Variants in KCTD17 observed in about 807,000 individuals in gnomAD.
KCTD17 encodes the protein potassium channel tetramerization domain containing 17.
A neutral mutation model predicts 41.5 loss-of-function variants in KCTD17; 20 were observed. That is an observed-to-expected ratio of 0.48 (90% CI 0.34 to 0.70). The LOEUF (loss-of-function observed/expected upper bound fraction) is 0.70, where lower values mean the gene tolerates loss of function less well. Among genes scored for constraint, KCTD17 ranks in the 30% least tolerant of loss-of-function variants. KCTD17 has a pLI of 0.01. For synonymous variants in KCTD17, 156 were observed against 173.8 expected (o/e 0.90, Z 0.80); for missense variants, 317 against 427.2 (o/e 0.74, Z 2.27).
intron 5 of KCTD17, among the ~76,000 whole-genome samples, chr22:37,060,058 A>G (rs950463359): frequency 3.9e-5 from 6 of 152,062 alleles, no homozygotes; most frequent in African/African-American, 1.4e-4. Context: ...TCCTGAGAGC[A>G]CCCTGGCAGC....
chr22:37,051,978 G>A (rs774675445), intron 1 of KCTD17, 29 bp downstream of exon 1: 6 of 1,408,658 alleles, frequency 4.3e-6, no homozygotes, highest in Admixed American at 5.1e-5. Flanking sequence ...GCGGCGAGCG[G>A]GCGGTGGGTC....
Position 37,062,483 on chromosome 22 carries a change from C to G in KCTD17, c.876-42C>G, listed in dbSNP as rs747042008. ...ACCCCCTCCTTACCGGCCCCACCTC[C>G]GCCCCTCCCATCCTCCTGCCCTTCC... On this transcript the variant is annotated intron_variant, in intron 8 of 8. Coordinates refer to ENST00000403888, the MANE Select transcript of KCTD17 (RefSeq NM_001282684.2). 6 of 1,591,324 alleles carry G rather than the reference C, an allele frequency of 3.8e-6. No homozygotes were observed. The South Asian group carries it at 4.5e-5, about 12-fold the overall frequency.
At position 37,061,607 on chromosome 22, in the gene KCTD17, C is replaced by A. The variant is rs199921196; in HGVS notation, c.853C>A (p.Arg285Ser). 6.3e-7 allele frequency: 1 copy of A among 1,599,556 alleles called. No homozygotes were observed. ...AVRASPRPLARPQSCHPCCYK... is the reference protein window; with the variant it reads ...AVRASPRPLASPQSCHPCCYK... ...GAGGGCTTCTCCTCGGCCCCTCGCC[C>A]GCCCCCAGAGCTGCCATCCCTGGTT... The change falls in exon 8 of 9, where the codon CGC (arginine) becomes AGC (serine). Residue 285 changes from arginine to serine, a missense_variant. Coordinates refer to ENST00000403888, the MANE Select transcript of KCTD17 (RefSeq NM_001282684.2). This position sits in a 1 kb window ranked among gnomAD's most constrained non-coding sequence, Gnocchi z 6.6.
At chr22:37,056,920 C>T (rs901307289) in intron 3 of KCTD17, among the ~76,000 whole-genome samples, 1 of 151,922 alleles carries the variant, frequency 6.6e-6, no homozygotes, top group Non-Finnish European at 1.5e-5. Flanking sequence ...AGAGATTTTC[C>T]GCCTACTCTG....
In KCTD17 at chr22:37,051,751, G is replaced by A. The variant is rs1924496959; in HGVS notation, c.-10G>A. The A allele has an allele frequency of 2.5e-6, 3 of 1,218,868 alleles. No individual in the cohort carries two copies. Among genetic ancestry groups the A allele is most frequent in the Non-Finnish European group, 3.1e-6 (3 of 980,208 alleles). The allele number at this position is 1,218,868 out of a possible 1,614,324, so 75.5% of individuals were successfully genotyped here. A position where few individuals can be genotyped will look rare whatever the true frequency, so the allele number is the denominator to read the frequency against. On this transcript the variant is annotated 5_prime_UTR_variant, in exon 1 of 9. Transcript: ENST00000403888. ...CGCCCGGGAGGAGGATGCAGACGCCGCGGCCGGCGATGAGGATGGAGGCCG... is the reference window on the plus strand; with the variant it reads ...CGCCCGGGAGGAGGATGCAGACGCCACGGCCGGCGATGAGGATGGAGGCCG...
rs1246731342 is a variant in KCTD17, at chr22:37,053,251, C to T, written c.298+43C>T. ...GCTGGCCTGGACCTTATGCAGCCTGCCAGGGCCCTCTGTGGAGGCCCCAAG... is the reference window on the plus strand; with the variant it reads ...GCTGGCCTGGACCTTATGCAGCCTGTCAGGGCCCTCTGTGGAGGCCCCAAG... On this transcript the variant is annotated intron_variant, in intron 2 of 8. Coordinates refer to ENST00000403888, the MANE Select transcript of KCTD17 (RefSeq NM_001282684.2). The surrounding 1 kb of genome is among the most constrained non-coding windows in gnomAD (Gnocchi z 4.1). 5 of 1,458,768 alleles carry T rather than the reference C, an allele frequency of 3.4e-6. No homozygotes were observed. The South Asian group carries it at 3.6e-5, about 11-fold the overall frequency. 90.4% of individuals were successfully genotyped at this position (1,458,768 alleles called of 1,614,324 possible). A position where few individuals can be genotyped will look rare whatever the true frequency, so the allele number is the denominator to read the frequency against.
In KCTD17 at chr22:37,061,907, TCACTGCCTTGTG is replaced by T. The variant is rs1925845006; in HGVS notation, c.875+279_875+290del. On this transcript the variant is annotated intron_variant, in intron 8 of 8. Coordinates refer to ENST00000403888, the MANE Select transcript of KCTD17 (RefSeq NM_001282684.2). This position sits in a 1 kb window ranked among gnomAD's most constrained non-coding sequence, Gnocchi z 6.6. ...CCCTGCACATCCAGGAGCTCCTGTG[TCACTGCCTTGTG>T]GCATCCCCTATTTCTGTGGGGATGG... is the stretch of plus-strand genomic sequence containing the variant. The T allele has an allele frequency of 8.1e-6, 8 of 985,302 alleles. No homozygotes were observed. Among genetic ancestry groups the T allele is most frequent in the African/African-American group, 1.7e-5 (1 of 57,240 alleles). The allele number at this position is 985,302 out of a possible 1,614,324, so 61.0% of individuals were successfully genotyped here.
intron 1 of KCTD17, chr22:37,052,677 T>C (rs1281964564): frequency 2.1e-6 from 1 of 469,710 alleles, no homozygotes; most frequent in Admixed American, 2.3e-5. Flanking sequence ...CCCGCCCGAG[T>C]GTCCAGTGAG....
chr22:37,055,612 C>T (rs1166160042), intron 2 of KCTD17, among the ~76,000 whole-genome samples: 3 of 152,174 alleles, frequency 2.0e-5, no homozygotes, highest in Non-Finnish European at 2.9e-5. Flanking sequence ...TTCTTCATCT[C>T]CCAGATTAAC....
At chr22:37,057,345 TG>T in intron 3 of KCTD17, 52 bp from the exon 4 acceptor site, 4 of 1,434,454 alleles carry the variant, frequency 2.8e-6, no homozygotes, top group Non-Finnish European at 3.9e-6. Flanking sequence ...ATGCCCCTCC[TG>T]GGGTGCCTGG....
At chr22:37,060,728 G>T in intron 5 of KCTD17, 95 bp from the exon 6 acceptor site, 1 of 1,418,692 alleles carries the variant, frequency 7.0e-7, no homozygotes, top group Non-Finnish European at 9.2e-7. Context: ...CTTTCACCTT[G>T]CCTGAGACCG....
intron 4 of KCTD17, 149 bp downstream of exon 4, chr22:37,057,642 C>T: frequency 1.5e-6 from 1 of 663,196 alleles, no homozygotes; most frequent in South Asian, 1.8e-5. Context: ...TCAAATTAAA[C>T]AAGGTTAGGA....
At chr22:37,056,936 TGTGTGAGGGTTGGGGGACAG>T (rs1925195004) in intron 3 of KCTD17, among the ~76,000 whole-genome samples, 1 of 151,630 alleles carries the variant, frequency 6.6e-6, no homozygotes, top group African/African-American at 2.4e-5. Context: ...CTCTGGGGGA[TGTGTGAGGGTTGGGGGACAG>T]GTAGTGAGGA....
Position 37,062,588 on chromosome 22 carries a change from C to T in KCTD17, c.939C>T (p.Pro313=), listed in dbSNP as rs1351276267. 3.1e-6 allele frequency: 5 copies of T among 1,613,010 alleles called. No individual in the cohort carries two copies. The highest frequency in any genetic ancestry group is 1.7e-4 in the Middle Eastern group (1 of 5,912). Residue 313 remains proline (P), a synonymous_variant, in exon 9 of 9, where the codon CCC becomes CCT. Coordinates refer to ENST00000403888, the MANE Select transcript of KCTD17 (RefSeq NM_001282684.2). ...APDHLQGLGV[P]I ...ATCACCTCCAGGGACTTGGGGTTCC[C>T]ATCTGAAATCCTTTATTTTTGTACC...
At position 37,061,610 on chromosome 22, in the gene KCTD17, C is replaced by G. The variant is rs371676360; in HGVS notation, c.856C>G (p.Pro286Ala). Residue 286 changes from proline (P) to alanine (A), a missense_variant, in exon 8 of 9, where the codon CCC becomes GCC. Physicochemically the swap from Pro to Ala is conservative, Grantham distance 27 (BLOSUM62 -1). Around this residue, in one of 4 missense-constraint regions of KCTD17, gnomAD observed 177 missense variants for 194.4 expected, o/e 0.91. Transcript: ENST00000403888. The surrounding 1 kb of genome is among the most constrained non-coding windows in gnomAD (Gnocchi z 6.6). Reference sequence around the variant, plus strand: ...GGCTTCTCCTCGGCCCCTCGCCCGCCCCCAGAGCTGCCATCCCTGGTTTGT... The same window carrying G: ...GGCTTCTCCTCGGCCCCTCGCCCGCGCCCAGAGCTGCCATCCCTGGTTTGT... Reference protein sequence around the residue: ...VRASPRPLARPQSCHPCCYKP... With the variant: ...VRASPRPLARAQSCHPCCYKP... 1 of 1,599,296 alleles carries G rather than the reference C, an allele frequency of 6.3e-7. No homozygotes were observed. The highest frequency in any genetic ancestry group is 1.3e-5 in the African/African-American group (1 of 75,004).
At chr22:37,060,999 A>G in intron 6 of KCTD17, 77 bp downstream of exon 6, 1 of 1,545,362 alleles carries the variant, frequency 6.5e-7, no homozygotes, top group Middle Eastern at 1.7e-4. Flanking sequence ...AGCCAGCTGC[A>G]GAACCGGGGG....
Position 37,061,580 on chromosome 22 carries a change from G to T in KCTD17, c.826G>T (p.Val276Leu), listed in dbSNP as rs772026115. The change falls in exon 8 of 9, where the codon GTG becomes TTG. Residue 276 changes from valine (V) to leucine (L), a missense_variant. By Grantham distance (32) the Val-to-Leu change is conservative (BLOSUM62 1). This residue lies in a region of KCTD17 where 177 missense variants were observed against 194.4 expected (regional missense o/e 0.91). Transcript: ENST00000403888. This position sits in a 1 kb window ranked among gnomAD's most constrained non-coding sequence, Gnocchi z 6.6. Reference protein sequence around the residue: ...HPLRPEAELAVRASPRPLARP... With the variant: ...HPLRPEAELALRASPRPLARP... The stretch of plus-strand genomic sequence containing the variant: ...TCTCAGACCTGAGGCTGAGCTTGCA[G>T]TGAGGGCTTCTCCTCGGCCCCTCGC... 5.6e-6 allele frequency: 9 copies of T among 1,601,658 alleles called. No individual in the cohort carries two copies. In the South Asian group the frequency reaches 9.9e-5, roughly 18 times the overall value.
rs1302614021 is a variant in KCTD17 at position 37,051,776 on chromosome 22, G to C, written c.16G>C (p.Gly6Arg). 10 of 1,245,594 alleles carry C rather than the reference G, an allele frequency of 8.0e-6. No homozygotes were observed. Among genetic ancestry groups the C allele is most frequent in the Non-Finnish European group, 1.0e-5 (10 of 996,366 alleles). 77.2% of individuals were successfully genotyped at this position (1,245,594 alleles called of 1,614,324 possible). A position where few individuals can be genotyped will look rare whatever the true frequency, so the allele number is the denominator to read the frequency against. ...GCGGCCGGCGATGAGGATGGAGGCCGGGGAGGCAGCGCCGCCGGCGGGGGC... is the reference window on the plus strand; with the variant it reads ...GCGGCCGGCGATGAGGATGGAGGCCCGGGAGGCAGCGCCGCCGGCGGGGGC... The part of the protein sequence containing the change: MRMEA[G>R]EAAPPAGAGG... The change falls in exon 1 of 9, where the codon GGG becomes CGG. Residue 6 changes from glycine (G) to arginine (R), a missense_variant. Gly to Arg is a moderately radical substitution (Grantham distance 125). Transcript: ENST00000403888.
chr22:37,062,220 A>C (rs939928849), intron 8 of KCTD17: 15 of 984,452 alleles, frequency 1.5e-5, no homozygotes, highest in Non-Finnish European at 1.8e-5. Flanking sequence ...CCCCCTTCAG[A>C]GTCTTGGCAG....
Sources: gnomAD v4.1 joint callset for allele counts (sites outside exome capture counted in the v4.1 genomes callset) on GRCh38, gnomAD v4.1.1 for gene constraint, gnomAD v4.1.1 regional missense constraint, Gnocchi (gnomAD v3.1) non-coding constraint, MANE v1.5 for transcripts, NCBI Gene and HGNC (gene_info 2026-07-23, HGNC 2026-07-21) for gene names.